NBAS: variants seen among roughly 807,000 people sequenced by gnomAD.
The protein encoded by NBAS is NAG/BC035112 fusion.
A neutral mutation model predicts 302.5 loss-of-function variants in NBAS; 219 were observed. That is an observed-to-expected ratio of 0.72 (90% CI 0.65 to 0.81). The LOEUF (loss-of-function observed/expected upper bound fraction) is 0.81, where lower values mean the gene tolerates loss of function less well. NBAS is among the 30% of genes least tolerant of loss of function. The pLI is 0.00. For synonymous variants in NBAS, 1,118 were observed against 1,021.6 expected (o/e 1.09, Z -1.80); for missense variants, 2,932 against 2,841.6 (o/e 1.03, Z -0.72).
Position 15,353,673 on chromosome 2 carries a change from TC to T in NBAS, c.3968del (p.Gly1323AspfsTer20). On this transcript the variant is annotated frameshift_variant, in exon 34 of 52. Coordinates refer to ENST00000281513, the MANE Select transcript of NBAS (RefSeq NM_015909.4). LOFTEE classifies it high-confidence loss of function. ...CCAAGTCCTGGTAACCTTCTGATTG[TC>T]CTAACTGGCTACAAACATCCCAACT... The part of the protein sequence containing the change: ...PKSWDVCSQL[G>X]QSEGYQDLAT... The T allele has an allele frequency of 6.2e-7, 1 of 1,614,020 alleles. No homozygotes were observed. Among genetic ancestry groups the T allele is most frequent in the Non-Finnish European group, 8.5e-7 (1 of 1,179,948 alleles).
intron 9 of NBAS, among the ~76,000 whole-genome samples, chr2:15,532,357 C>T (rs575296188): frequency 5.0e-4 from 76 of 151,776 alleles, no homozygotes; most frequent in African/African-American, 1.7e-3. Context: ...GGCTTGGTGG[C>T]AGGCGCCTAT....
At chr2:14,877,307 CTCTT>C in the NBAS span, among the ~76,000 whole-genome samples, 2 of 152,168 alleles carry the variant, frequency 1.3e-5, no homozygotes, top group African/African-American at 2.4e-5. Context: ...TCAATTAACT[CTCTT>C]TACATTCCAC....
At chr2:15,395,224 CAT>C (rs1675810828) in intron 27 of NBAS, among the ~76,000 whole-genome samples, 2 of 152,004 alleles carry the variant, frequency 1.3e-5, no homozygotes. Context: ...TACAACCAGA[CAT>C]GTGATGAAAT....
chr2:15,197,347 T>C (rs572835867), intron 48 of NBAS, among the ~76,000 whole-genome samples: 10 of 152,350 alleles, frequency 6.6e-5, no homozygotes, highest in African/African-American at 1.9e-4. Context: ...TTGCCACTTA[T>C]TACAATACCT....
chr2:15,209,347 G>A (rs1666298782), intron 48 of NBAS, among the ~76,000 whole-genome samples: 1 of 152,012 alleles, frequency 6.6e-6, no homozygotes, highest in Admixed American at 6.5e-5. Context: ...CTTCACTGCA[G>A]AATTCTACCA....
At chr2:15,005,410 A>G in the NBAS span, among the ~76,000 whole-genome samples, 1 of 152,202 alleles carries the variant, frequency 6.6e-6, no homozygotes, top group East Asian at 1.9e-4. Context: ...TCATTTAGTT[A>G]TTCATTTACA....
At chr2:14,994,900 T>C in the NBAS span, among the ~76,000 whole-genome samples, 1 of 152,134 alleles carries the variant, frequency 6.6e-6, no homozygotes, top group African/African-American at 2.4e-5. Context: ...CATTGCTCAA[T>C]GGGCTACACC....
At chr2:15,177,653 A>C (rs908005175) in intron 51 of NBAS, among the ~76,000 whole-genome samples, 1 of 152,228 alleles carries the variant, frequency 6.6e-6, no homozygotes, top group Non-Finnish European at 1.5e-5. Context: ...ATGCACTGAG[A>C]ATATGCAGAA....
At chr2:15,535,551 T>TAAAC (rs35626261) in intron 8 of NBAS, among the ~76,000 whole-genome samples, 68,514 of 147,758 alleles carry the variant, frequency 0.46, 18,288 homozygotes, top group Non-Finnish European at 0.61. Flanking sequence ...AATAAATAAA[T>TAAAC]AAATAAATAA....
At chr2:15,270,440 G>A (rs1236701269) in intron 44 of NBAS, among the ~76,000 whole-genome samples, 2 of 152,090 alleles carry the variant, frequency 1.3e-5, no homozygotes, top group African/African-American at 4.8e-5. Context: ...TGGGATTACA[G>A]GCATGAGCCA....
At chr2:15,352,176 A>C in intron 34 of NBAS, 95 bp from the exon 35 acceptor site, 1 of 844,502 alleles carries the variant, frequency 1.2e-6, no homozygotes, top group South Asian at 1.5e-5. Context: ...TACTTTTAAA[A>C]AGAAAATTAC....
At chr2:15,008,958 C>A in the NBAS span, among the ~76,000 whole-genome samples, 1 of 152,012 alleles carries the variant, frequency 6.6e-6, no homozygotes, top group African/African-American at 2.4e-5. Flanking sequence ...AGTGAAAAAA[C>A]TGAGGATTAG....
chr2:15,469,754 G>A (rs945961841), intron 16 of NBAS, among the ~76,000 whole-genome samples: 65 of 146,874 alleles, frequency 4.4e-4, no homozygotes, highest in African/African-American at 1.4e-3. Flanking sequence ...ACCAAACACC[G>A]CATGTTCTCA....
At chr2:15,381,659 T>C (rs1449024039) in intron 29 of NBAS, among the ~76,000 whole-genome samples, 1 of 152,218 alleles carries the variant, frequency 6.6e-6, no homozygotes, top group African/African-American at 2.4e-5. Context: ...CTAGTGACAG[T>C]TGGGTTTTAG....
At chr2:15,177,370 G>A (rs1286959676) in intron 51 of NBAS, among the ~76,000 whole-genome samples, 1 of 152,172 alleles carries the variant, frequency 6.6e-6, no homozygotes, top group Non-Finnish European at 1.5e-5. Context: ...GGTATGTGGG[G>A]GAAATGCTGC....
At chr2:15,480,546 T>C (rs996631359) in intron 12 of NBAS, among the ~76,000 whole-genome samples, 2 of 152,032 alleles carry the variant, frequency 1.3e-5, no homozygotes, top group African/African-American at 2.4e-5. Context: ...GGGCATGGGT[T>C]TAAGAAAGAT....
intron 46 of NBAS, 141 bp from the exon 47 acceptor site, chr2:15,232,652 T>G: frequency 1.4e-6 from 1 of 736,010 alleles, no homozygotes; most frequent in Non-Finnish European, 2.3e-6. Flanking sequence ...CTATGTGATG[T>G]CTACAAATGT....
At chr2:14,926,936 G>A in the NBAS span, among the ~76,000 whole-genome samples, 1 of 152,232 alleles carries the variant, frequency 6.6e-6, no homozygotes, top group Non-Finnish European at 1.5e-5. Flanking sequence ...ATGTTCCTTT[G>A]AGGGTCTTTT....
the NBAS span, among the ~76,000 whole-genome samples, chr2:15,021,676 C>T: frequency 2.0e-5 from 3 of 152,024 alleles, no homozygotes; most frequent in East Asian, 1.9e-4. Context: ...CAGATTTGGG[C>T]TCACAGGCCT....
Sources: gnomAD v4.1 joint callset for allele counts (sites outside exome capture counted in the v4.1 genomes callset) on GRCh38, gnomAD v4.1.1 for gene constraint, MANE v1.5 for transcripts, NCBI Gene and HGNC (gene_info 2026-07-23, HGNC 2026-07-21) for gene names.